Variants in FAF1 observed in about 807,000 individuals in gnomAD.
The protein encoded by FAF1 is Fas associated factor 1.
In FAF1, 25 loss-of-function variants were observed where a neutral mutation model predicts 92.5. The observed-to-expected ratio is 0.27, with a 90% CI of 0.20 to 0.38. The LOEUF is 0.38. FAF1 is among the 10% of genes least tolerant of loss of function. The pLI is 1.00. For missense variants in FAF1, 636 were observed against 793.3 expected, an observed-to-expected ratio of 0.80 and a Z score of 2.38; for synonymous variants, 234 against 273.2, an observed-to-expected ratio of 0.86 and a Z score of 1.42.
At chr1:50,882,962 C>T (rs1644626351) in intron 1 of FAF1, among the ~76,000 whole-genome samples, 1 of 137,982 alleles carries the variant, frequency 7.2e-6, no homozygotes, top group South Asian at 2.3e-4. Context: ...CTAGCCTAGG[C>T]AACAGAGTGA....
rs575170448 is a variant in FAF1, at chr1:50,840,735, T to G, written c.114+17194A>C. 1.0e-3 allele frequency among the ~76,000 whole-genome samples: 155 copies of G among 152,160 alleles called. 2 individuals are homozygous for G. The highest frequency in any genetic ancestry group is 3.6e-3 in the African/African-American group (151 of 41,570). On this transcript the variant is annotated intron_variant, in intron 2 of 18. Transcript: ENST00000396153. ...CCCAATCAGGCAATTGATATCAAAT[T>G]TGACTAAGCAATTTCACTTTTAGGA...
chr1:50,794,491 C>A (rs755655322), intron 3 of FAF1, among the ~76,000 whole-genome samples: 1 of 152,130 alleles, frequency 6.6e-6, no homozygotes, highest in Non-Finnish European at 1.5e-5. Flanking sequence ...GAATCATAGG[C>A]AATAGATGGT....
chr1:50,498,869 A>C (rs1286390528), intron 15 of FAF1, among the ~76,000 whole-genome samples: 8 of 152,044 alleles, frequency 5.3e-5, no homozygotes, highest in Non-Finnish European at 1.2e-4. Flanking sequence ...AAAAAAGAAA[A>C]AAGTCAAAGG....
chr1:50,932,893 C>A (rs918232737), intron 1 of FAF1, among the ~76,000 whole-genome samples: 2 of 152,174 alleles, frequency 1.3e-5, no homozygotes, highest in Non-Finnish European at 1.5e-5. Flanking sequence ...TCTGTGCACC[C>A]GGAGGCTCAA....
chr1:50,744,821 G>A, intron 4 of FAF1, 46 bp from the exon 5 acceptor site: 1 of 1,162,580 alleles, frequency 8.6e-7, no homozygotes, highest in Non-Finnish European at 1.3e-6. Context: ...AAATAACACA[G>A]TTAACATTTG....
chr1:50,786,912 G>A (rs780481946), intron 4 of FAF1, among the ~76,000 whole-genome samples: 1 of 152,170 alleles, frequency 6.6e-6, no homozygotes, highest in Non-Finnish European at 1.5e-5. Context: ...AATCTGAGTA[G>A]TGTTTGGGAA....
intron 7 of FAF1, among the ~76,000 whole-genome samples, chr1:50,673,774 C>T (rs1485357623): frequency 6.6e-6 from 1 of 152,120 alleles, no homozygotes; most frequent in African/African-American, 2.4e-5. Context: ...ATATACACTA[C>T]AGATATATTC....
At chr1:50,831,390 T>G (rs916118082) in intron 2 of FAF1, among the ~76,000 whole-genome samples, 1 of 152,210 alleles carries the variant, frequency 6.6e-6, no homozygotes, top group Non-Finnish European at 1.5e-5. Context: ...ATATAGAATC[T>G]GTCTTCTGTA....
intron 4 of FAF1, among the ~76,000 whole-genome samples, chr1:50,747,891 C>T (rs914468772): frequency 1.1e-4 from 16 of 152,142 alleles, no homozygotes; most frequent in Admixed American, 6.5e-5. Context: ...CTTCCTCCTG[C>T]GCTGGCAATG....
chr1:50,789,650 T>G (rs551727744), intron 3 of FAF1, among the ~76,000 whole-genome samples: 1 of 152,312 alleles, frequency 6.6e-6, no homozygotes, highest in Admixed American at 6.5e-5. Flanking sequence ...TCCCTTTATA[T>G]GTACTCCTGC....
chr1:50,826,895 C>T (rs1003268328), intron 2 of FAF1, among the ~76,000 whole-genome samples: 9 of 151,826 alleles, frequency 5.9e-5, no homozygotes, highest in East Asian at 5.8e-4. Context: ...AAGTGAGGAG[C>T]GCCTCTGCCC....
intron 1 of FAF1, among the ~76,000 whole-genome samples, chr1:50,923,781 T>A (rs1250906327): frequency 2.6e-5 from 4 of 152,090 alleles, no homozygotes. Flanking sequence ...CATGCACAAA[T>A]CAATAAATAC....
chr1:50,874,740 T>G, intron 1 of FAF1, among the ~76,000 whole-genome samples: 1 of 145,860 alleles, frequency 6.9e-6, no homozygotes, highest in Non-Finnish European at 1.5e-5. Flanking sequence ...CCCTTCTCCA[T>G]CTTATTTTCT....
chr1:50,448,320 T>G (rs1484318178), intron 18 of FAF1, among the ~76,000 whole-genome samples: 1 of 152,224 alleles, frequency 6.6e-6, no homozygotes, highest in African/African-American at 2.4e-5. Flanking sequence ...TATAACCTCC[T>G]AGCTGTCTGA....
chr1:50,581,177 A>C (rs1477911426), intron 12 of FAF1, among the ~76,000 whole-genome samples: 2 of 152,210 alleles, frequency 1.3e-5, no homozygotes, highest in Non-Finnish European at 2.9e-5. Flanking sequence ...GAACAGTTGA[A>C]ACATAATTGC....
At chr1:50,875,941 C>G (rs1043258359) in intron 1 of FAF1, among the ~76,000 whole-genome samples, 8 of 152,182 alleles carry the variant, frequency 5.3e-5, no homozygotes, top group Non-Finnish European at 1.0e-4. Context: ...AAAAAGACAA[C>G]TGGTTTAATT....
chr1:50,877,867 A>G (rs893214157), intron 1 of FAF1, among the ~76,000 whole-genome samples: 12 of 152,214 alleles, frequency 7.9e-5, no homozygotes, highest in African/African-American at 2.9e-4. Context: ...CTCAGAGCAC[A>G]TAGTACTTGC....
At chr1:50,822,973 C>T (rs755827060) in intron 2 of FAF1, among the ~76,000 whole-genome samples, 1 of 152,020 alleles carries the variant, frequency 6.6e-6, no homozygotes, top group East Asian at 1.9e-4. Context: ...AGGGTTTCTC[C>T]ACGTTGGTGA....
At chr1:50,684,258 T>C (rs1276904170) in intron 7 of FAF1, among the ~76,000 whole-genome samples, 1 of 112,068 alleles carries the variant, frequency 8.9e-6, no homozygotes, top group Non-Finnish European at 1.8e-5. Context: ...TCCAACAGAC[T>C]TTTTTTTTTT....
Sources: gnomAD v4.1 joint callset for allele counts (sites outside exome capture counted in the v4.1 genomes callset) on GRCh38, gnomAD v4.1.1 for gene constraint, MANE v1.5 for transcripts, NCBI Gene and HGNC (gene_info 2026-07-23, HGNC 2026-07-21) for gene names.